Variants in SGMS1 observed in about 807,000 individuals in gnomAD.
The protein encoded by SGMS1 is phosphatidylcholine:ceramide cholinephosphotransferase 1.
Under a neutral mutation model 46.2 loss-of-function variants are expected in SGMS1, and 13 were observed. The observed-to-expected ratio is 0.28, with a 90% CI of 0.18 to 0.45. The LOEUF (loss-of-function observed/expected upper bound fraction) is 0.45. SGMS1 is among the 20% of genes least tolerant of loss of function. The pLI is 1.00. For synonymous variants in SGMS1, 203 were observed against 187.8 expected (o/e 1.08, Z -0.66); for missense variants, 324 against 519.9 (o/e 0.62, Z 3.66).
chr10:50,565,452 G>A (rs1178676135), intron 2 of SGMS1, among the ~76,000 whole-genome samples: 1 of 152,140 alleles, frequency 6.6e-6, no homozygotes, highest in Non-Finnish European at 1.5e-5. Context: ...TTGGGGTGGA[G>A]ATTGGGAAAG....
chr10:50,501,390 C>T (rs964813825), intron 3 of SGMS1, among the ~76,000 whole-genome samples: 16 of 152,160 alleles, frequency 1.1e-4, no homozygotes, highest in African/African-American at 3.1e-4. Flanking sequence ...GTATTTTCTA[C>T]ATTTTATATA....
At chr10:50,541,755 A>C (rs1398754480) in intron 2 of SGMS1, among the ~76,000 whole-genome samples, 1 of 152,200 alleles carries the variant, frequency 6.6e-6, no homozygotes, top group Non-Finnish European at 1.5e-5. Flanking sequence ...TAATCAAGAG[A>C]ACCAGGGTGG....
intron 3 of SGMS1, among the ~76,000 whole-genome samples, chr10:50,470,578 A>G (rs1467170163): frequency 1.3e-5 from 2 of 152,000 alleles, no homozygotes; most frequent in African/African-American, 4.8e-5. Context: ...TCCTGCCAGC[A>G]GCTGGTATCA....
At chr10:50,556,624 AC>A (rs1240577372) in intron 2 of SGMS1, among the ~76,000 whole-genome samples, 2 of 152,040 alleles carry the variant, frequency 1.3e-5, no homozygotes, top group Admixed American at 6.6e-5. Flanking sequence ...GATCAGAGAG[AC>A]CCCGTAGGCC....
intron 3 of SGMS1, among the ~76,000 whole-genome samples, chr10:50,518,293 G>A (rs1049012475): frequency 6.6e-6 from 1 of 152,044 alleles, no homozygotes; most frequent in African/African-American, 2.4e-5. Context: ...ATAATCATTA[G>A]AAGAACAGAA....
chr10:50,605,351 C>T (rs1326933966), intron 1 of SGMS1, among the ~76,000 whole-genome samples: 1 of 152,254 alleles, frequency 6.6e-6, no homozygotes, highest in Admixed American at 6.5e-5. Context: ...GTGAGACAGG[C>T]TCACAGAGAA....
intron 1 of SGMS1, among the ~76,000 whole-genome samples, chr10:50,610,631 G>A (rs1838741165): frequency 6.6e-6 from 1 of 152,156 alleles, no homozygotes; most frequent in East Asian, 1.9e-4. Context: ...ACTTTGTAGA[G>A]CCTTTCAAAG....
intron 2 of SGMS1, among the ~76,000 whole-genome samples, chr10:50,541,392 C>T (rs1376180832): frequency 1.3e-5 from 2 of 152,180 alleles, no homozygotes; most frequent in South Asian, 2.1e-4. Flanking sequence ...CTGTACATTA[C>T]TGCCTTGTAT....
intron 1 of SGMS1, among the ~76,000 whole-genome samples, chr10:50,604,462 C>T (rs1310834611): frequency 6.6e-5 from 10 of 152,146 alleles, no homozygotes; most frequent in Non-Finnish European, 1.0e-4. Context: ...CAATTATTTG[C>T]CTAGACGTCT....
At chr10:50,403,155 C>A (rs941656730) in intron 6 of SGMS1, among the ~76,000 whole-genome samples, 6 of 152,150 alleles carry the variant, frequency 3.9e-5, no homozygotes, top group African/African-American at 1.4e-4. Flanking sequence ...ATCCGAAAAA[C>A]ATAGTTTTAA....
intron 5 of SGMS1, among the ~76,000 whole-genome samples, chr10:50,443,470 T>C (rs1720424): frequency 0.56 from 84,443 of 151,118 alleles, 23,834 homozygotes; most frequent in Non-Finnish European, 0.59. Context: ...TCGAAACAGG[T>C]GTCCAGAAAA....
chr10:50,440,704 G>A lies in SGMS1; in HGVS notation c.-312-7148C>T, dbSNP rs560947047. On this transcript the variant is annotated intron_variant, in intron 5 of 10. Coordinates refer to ENST00000361781, the MANE Select transcript of SGMS1 (RefSeq NM_147156.4). ...TGCAGCCACGACTTCCTGCCTCCTG[G>A]GTTCAAGCAATCCTCCCATCTCAGC... Among the ~76,000 whole-genome samples, 21 of 152,236 alleles carry A rather than the reference G, an allele frequency of 1.4e-4. No homozygotes were observed. In the South Asian group the frequency reaches 4.1e-3, roughly 30 times the overall value.
chr10:50,620,620 GAGA>G (rs1401358121), intron 1 of SGMS1, among the ~76,000 whole-genome samples: 1 of 152,186 alleles, frequency 6.6e-6, no homozygotes. Context: ...ACATCTTTAG[GAGA>G]AGAAGAAATA....
At chr10:50,501,821 T>C (rs1837664000) in intron 3 of SGMS1, among the ~76,000 whole-genome samples, 1 of 152,194 alleles carries the variant, frequency 6.6e-6, no homozygotes, top group African/African-American at 2.4e-5. Flanking sequence ...CATGGTATCA[T>C]TGAAACCCTA....
intron 5 of SGMS1, among the ~76,000 whole-genome samples, chr10:50,438,208 C>T (rs1849498528): frequency 6.6e-6 from 1 of 152,196 alleles, no homozygotes; most frequent in African/African-American, 2.4e-5. Flanking sequence ...TTGCCTAATT[C>T]CCTCGCCCTT....
chr10:50,548,817 A>C (rs1364387256), intron 2 of SGMS1, among the ~76,000 whole-genome samples: 1 of 152,190 alleles, frequency 6.6e-6, no homozygotes, highest in Non-Finnish European at 1.5e-5. Flanking sequence ...CAACTGACAA[A>C]TGTCTAATAT....
chr10:50,338,744 AT>A (rs202210485), intron 7 of SGMS1, among the ~76,000 whole-genome samples: 6,138 of 139,084 alleles, frequency 0.044, 340 homozygotes, highest in African/African-American at 0.14. Flanking sequence ...CTGCAATGGC[AT>A]TTTTTTTTTT....
chr10:50,389,297 G>C (rs1848731245), intron 6 of SGMS1, among the ~76,000 whole-genome samples: 1 of 152,058 alleles, frequency 6.6e-6, no homozygotes, highest in Non-Finnish European at 1.5e-5. Flanking sequence ...TTTGTGCTTT[G>C]CTCTAATAAT....
chr10:50,624,765 C>G (rs944031377), upstream of SGMS1: 2 of 985,350 alleles, frequency 2.0e-6, no homozygotes, highest in African/African-American at 1.7e-5. Flanking sequence ...TTAGGATGGA[C>G]AGCGGGGAGA....
Sources: gnomAD v4.1 joint callset for allele counts (sites outside exome capture counted in the v4.1 genomes callset) on GRCh38, gnomAD v4.1.1 for gene constraint, MANE v1.5 for transcripts, NCBI Gene and HGNC (gene_info 2026-07-23, HGNC 2026-07-21) for gene names.